The following ZNF521 variants were observed in gnomAD, a reference collection of about 807,000 sequenced individuals.
ZNF521 encodes the protein zinc finger protein 521, also known as LYST-interacting protein 3.
A neutral mutation model predicts 105.5 loss-of-function variants in ZNF521; 14 were observed. The ratio of observed to expected loss-of-function variants is 0.13; its 90% CI spans 0.09 to 0.21. ZNF521 has a LOEUF of 0.21. Ranked by LOEUF, ZNF521 falls within the 10% of genes least tolerant of loss-of-function variation. ZNF521 has a pLI of 1.00. For missense variants in ZNF521, 1,233 were observed against 1,629.7 expected (o/e 0.76, Z 4.19); for synonymous variants, 635 against 606.0 (o/e 1.05, Z -0.70).
At chr18:25,221,989 A>T (rs993327014) in intron 4 of ZNF521, among the ~76,000 whole-genome samples, 4 of 152,162 alleles carry the variant, frequency 2.6e-5, no homozygotes, top group Non-Finnish European at 5.9e-5. Context: ...TAGTATGATG[A>T]ATTTAAAAAT....
chr18:25,145,203 T>C (rs962960067), intron 5 of ZNF521, among the ~76,000 whole-genome samples: 1 of 152,178 alleles, frequency 6.6e-6, no homozygotes, highest in Non-Finnish European at 1.5e-5. Flanking sequence ...CCACTATGTG[T>C]TCTCTTAACT....
chr18:25,316,885 A>C, intron 3 of ZNF521, among the ~76,000 whole-genome samples: 2 of 135,532 alleles, frequency 1.5e-5, no homozygotes, highest in African/African-American at 2.8e-5. Flanking sequence ...ACAGAGTTTC[A>C]CTCTTGTCGC....
At chr18:25,324,236 C>A (rs1913085335) in intron 2 of ZNF521, among the ~76,000 whole-genome samples, 1 of 152,038 alleles carries the variant, frequency 6.6e-6, no homozygotes, top group African/African-American at 2.4e-5. Context: ...ATAGAGACTA[C>A]CTTTAAAAGT....
intron 7 of ZNF521, among the ~76,000 whole-genome samples, chr18:25,068,651 C>T (rs2033136622): frequency 2.0e-5 from 3 of 152,326 alleles, no homozygotes; most frequent in African/African-American, 7.2e-5. Context: ...TCCTACATTT[C>T]ATCTCCTGCC....
In ZNF521 at chr18:25,089,472, T is replaced by A; in HGVS notation, c.3899A>T (p.Glu1300Val). 6.2e-7 allele frequency: 1 copy of A among 1,613,278 alleles called. No homozygotes were observed. The highest frequency in any genetic ancestry group is 8.5e-7 in the Non-Finnish European group (1 of 1,179,238). ...QCPQKFFFQT[E>V]LQNHTMTQHS... is the part of the protein sequence containing the mutation. ...TCCCCATGAGGACATTACCTGCAGC[T>A]CTGTTTGGAAGAAAAACTTCTGTGG... Residue 1300 changes from glutamate to valine, a missense_variant, in exon 7 of 8, where the codon GAG becomes GTG. By Grantham distance (121) the Glu-to-Val change is moderately radical (BLOSUM62 -2). Coordinates refer to ENST00000361524, the MANE Select transcript of ZNF521 (RefSeq NM_015461.3).
At chr18:25,186,946 C>CTTTA (rs1226620174) in intron 5 of ZNF521, among the ~76,000 whole-genome samples, 3 of 135,240 alleles carry the variant, frequency 2.2e-5, no homozygotes, top group Non-Finnish European at 4.9e-5. Flanking sequence ...AAGAAGAAAA[C>CTTTA]ATAAAGAGGA....
intron 6 of ZNF521, among the ~76,000 whole-genome samples, chr18:25,091,575 C>G (rs928600742): frequency 2.0e-5 from 3 of 152,126 alleles, no homozygotes; most frequent in African/African-American, 7.2e-5. Flanking sequence ...GACAACACGG[C>G]TGCACTTTTA....
chr18:25,149,032 A>G (rs1417852395), intron 5 of ZNF521, among the ~76,000 whole-genome samples: 2 of 122,186 alleles, frequency 1.6e-5, no homozygotes, highest in African/African-American at 6.1e-5. Context: ...ATTTGAAAGG[A>G]CTTTTCTTTT....
chr18:25,214,978 A>G (rs1291172581), intron 4 of ZNF521, among the ~76,000 whole-genome samples: 1 of 152,188 alleles, frequency 6.6e-6, no homozygotes, highest in South Asian at 2.1e-4. Flanking sequence ...ACGAAACACT[A>G]ACCAAAATGG....
intron 3 of ZNF521, among the ~76,000 whole-genome samples, chr18:25,263,931 C>T (rs1263889208): frequency 2.0e-5 from 3 of 152,150 alleles, no homozygotes; most frequent in African/African-American, 7.2e-5. Context: ...AGGTTATTAG[C>T]TTTTTCATTA....
chr18:25,064,298 C>A (rs972798373), intron 7 of ZNF521, among the ~76,000 whole-genome samples: 1 of 98,404 alleles, frequency 1.0e-5, no homozygotes, highest in Admixed American at 1.0e-4. Flanking sequence ...CCTAAACCTG[C>A]CTAGCCATTG....
At chr18:25,149,930 C>A (rs184064485) in intron 5 of ZNF521, among the ~76,000 whole-genome samples, 2 of 152,142 alleles carry the variant, frequency 1.3e-5, no homozygotes, top group African/African-American at 4.8e-5. Context: ...TCTACAGACA[C>A]CTCCATCAAA....
intron 5 of ZNF521, among the ~76,000 whole-genome samples, chr18:25,187,993 G>C (rs767937446): frequency 6.6e-6 from 1 of 152,122 alleles, no homozygotes; most frequent in African/African-American, 2.4e-5. Flanking sequence ...AATCACAGGC[G>C]GATTAAAGGG....
At position 25,220,162 on chromosome 18, in the gene ZNF521, CAGGAAGCCAGGA is replaced by C. The variant is rs1378539146; in HGVS notation, c.3573+4171_3573+4182del. ...GCCACAGGGCGTTCACAGAGGCAAC[CAGGAAGCCAGGA>C]AGGAAGACAGAGGCCCCATAAAAGT... On this transcript the variant is annotated intron_variant, in intron 4 of 7. Transcript: ENST00000361524. Among the ~76,000 whole-genome samples, 3 of 152,320 alleles carry C rather than the reference CAGGAAGCCAGGA, an allele frequency of 2.0e-5. No homozygotes were observed. The East Asian group carries it at 5.8e-4, about 29-fold the overall frequency.
chr18:25,246,923 C>A (rs1907763033), intron 3 of ZNF521, among the ~76,000 whole-genome samples: 1 of 152,172 alleles, frequency 6.6e-6, no homozygotes, highest in African/African-American at 2.4e-5. Context: ...TCCTGCTTGA[C>A]AACACCCATT....
intron 5 of ZNF521, among the ~76,000 whole-genome samples, chr18:25,107,894 C>A (rs2034105465): frequency 6.6e-6 from 1 of 152,184 alleles, no homozygotes; most frequent in Non-Finnish European, 1.5e-5. Context: ...CTGGGGGATT[C>A]AAAAACTGGA....
At chr18:25,131,697 T>A (rs1230116995) in intron 5 of ZNF521, among the ~76,000 whole-genome samples, 1 of 152,174 alleles carries the variant, frequency 6.6e-6, no homozygotes, top group Non-Finnish European at 1.5e-5. Context: ...TAAATGCTTG[T>A]TCAGTAAACA....
intron 7 of ZNF521, among the ~76,000 whole-genome samples, chr18:25,068,396 T>C (rs1368974323): frequency 2.0e-5 from 3 of 152,226 alleles, no homozygotes; most frequent in Non-Finnish European, 4.4e-5. Context: ...CGGTATGCTC[T>C]TATTTTTCTG....
At chr18:25,133,405 A>C (rs1261522919) in intron 5 of ZNF521, among the ~76,000 whole-genome samples, 1 of 152,176 alleles carries the variant, frequency 6.6e-6, no homozygotes, top group Admixed American at 6.6e-5. Context: ...TTTGGCAATG[A>C]TGTAATTTTA....
Sources: allele counts gnomAD v4.1 joint callset (sites outside exome capture counted in the v4.1 genomes callset), GRCh38; gene constraint gnomAD v4.1.1; transcripts MANE v1.5; gene names NCBI Gene and HGNC (gene_info 2026-07-23, HGNC 2026-07-21).